The following PLEKHA5 variants were observed in gnomAD, a reference collection of about 807,000 sequenced individuals.
PLEKHA5 encodes the protein pleckstrin homology domain-containing family A member 5.
Under a neutral mutation model 181.9 loss-of-function variants are expected in PLEKHA5, and 55 were observed. That is an observed-to-expected ratio of 0.30 (90% confidence interval 0.24 to 0.38). The LOEUF is 0.38. Ranked by LOEUF, PLEKHA5 falls within the 10% of genes least tolerant of loss-of-function variation. The probability of loss-of-function intolerance (pLI) is 1.00; values close to 1 mark genes in which losing one functional copy is unlikely to be tolerated. For synonymous variants in PLEKHA5, 535 were observed against 529.4 expected (o/e 1.01, Z -0.15); for missense variants, 1,432 against 1,549.5 (o/e 0.92, Z 1.27).
At chr12:19,157,929 G>C (rs1462685650) in intron 3 of PLEKHA5, among the ~76,000 whole-genome samples, 4 of 152,116 alleles carry the variant, frequency 2.6e-5, no homozygotes, top group Non-Finnish European at 5.9e-5. Flanking sequence ...GGAATAATTA[G>C]TCATCATTTT....
At chr12:19,277,346 T>C (rs190315787) in intron 11 of PLEKHA5, among the ~76,000 whole-genome samples, 1 of 152,254 alleles carries the variant, frequency 6.6e-6, no homozygotes, top group Non-Finnish European at 1.5e-5. Flanking sequence ...TCAACAGATA[T>C]CTGGAAATTA....
chr12:19,208,588 T>C (rs1264108149), intron 3 of PLEKHA5, among the ~76,000 whole-genome samples: 1 of 152,226 alleles, frequency 6.6e-6, no homozygotes, highest in Non-Finnish European at 1.5e-5. Context: ...GGTTTCCAGC[T>C]AAGCTCTCAT....
At chr12:19,371,601 G>A in intron 31 of PLEKHA5, 1 of 183,856 alleles carries the variant, frequency 5.4e-6, no homozygotes, top group Non-Finnish European at 1.1e-5. Context: ...TTAGAATAAT[G>A]GCCTCCAGCT....
chr12:19,176,895 C>T (rs1350949145), intron 3 of PLEKHA5, among the ~76,000 whole-genome samples: 2 of 152,162 alleles, frequency 1.3e-5, no homozygotes, highest in East Asian at 1.9e-4. Flanking sequence ...GACAGAGTCT[C>T]ACTCTGTCGC....
Position 19,130,227 on chromosome 12 carries a change from C to A in PLEKHA5, c.169+97C>A. The A allele has an allele frequency of 1.6e-6, 1 of 635,730 alleles. No homozygotes were observed. Among genetic ancestry groups the A allele is most frequent in the Non-Finnish European group, 2.2e-6 (1 of 445,528 alleles). 39.4% of individuals were successfully genotyped at this position (635,730 alleles called of 1,614,324 possible). A position where few individuals can be genotyped will look rare whatever the true frequency, so the allele number is the denominator to read the frequency against. On this transcript the variant is annotated intron_variant, in intron 2 of 31. Transcript: ENST00000429027. The surrounding 1 kb of genome is among the most constrained non-coding windows in gnomAD (Gnocchi z 4.5). ...GCAACCTGCCCCGCGCCGCGGGCCC[C>A]GGGAGGCGGCGAGGCGGGGCGGAGG...
intron 11 of PLEKHA5, among the ~76,000 whole-genome samples, chr12:19,278,804 CCT>C (rs2075306501): frequency 1.3e-5 from 2 of 152,088 alleles, no homozygotes; most frequent in South Asian, 2.1e-4. Context: ...TACCTTTCTC[CCT>C]CTCTCCACCC....
Position 19,274,536 on chromosome 12 carries a change from A to C in PLEKHA5, c.866A>C (p.Glu289Ala). ...FNFRVDKITS[E>A]NAPTKETNNI... ...TTCAGAGTGGACAAGATTACATCTG[A>C]AAATGCACCAACTAAAGAAACCAAT... Residue 289 changes from glutamate to alanine, a missense_variant, in exon 11 of 32, where the codon GAA becomes GCA. By Grantham distance (107) the Glu-to-Ala change is moderately radical. This residue lies in a region of PLEKHA5 where 289 missense variants were observed against 381.1 expected (regional missense o/e 0.76). Transcript: ENST00000429027. The C allele has an allele frequency of 6.2e-7, 1 of 1,604,278 alleles. No individual in the cohort carries two copies. Among genetic ancestry groups the C allele is most frequent in the Non-Finnish European group, 8.5e-7 (1 of 1,174,124 alleles).
At chr12:19,178,065 T>A (rs1439381106) in intron 3 of PLEKHA5, among the ~76,000 whole-genome samples, 1 of 152,216 alleles carries the variant, frequency 6.6e-6, no homozygotes, top group African/African-American at 2.4e-5. Context: ...CCACGGCTCC[T>A]GGTGTGCTGT....
chr12:19,195,016 GTGTT>G lies in PLEKHA5; in HGVS notation c.228-58920_228-58917del, dbSNP rs1232400912. Reference sequence around the variant, plus strand: ...GGGCATTTATACTGTACCAGACACTGTGTTTGTCACATTTCAAAAATGTTCTCAT... The same window carrying G: ...GGGCATTTATACTGTACCAGACACTGTGTCACATTTCAAAAATGTTCTCAT... On this transcript the variant is annotated intron_variant, in intron 3 of 31. Transcript: ENST00000429027. 9.2e-5 allele frequency among the ~76,000 whole-genome samples: 14 copies of G among 152,256 alleles called. No individual in the cohort carries two copies. In the East Asian group the frequency reaches 2.7e-3, roughly 29 times the overall value.
At chr12:19,145,194 G>C (rs1321794234) in intron 3 of PLEKHA5, among the ~76,000 whole-genome samples, 2 of 151,820 alleles carry the variant, frequency 1.3e-5, no homozygotes, top group Non-Finnish European at 2.9e-5. Context: ...GTGTGTGTGA[G>C]AGAGAGAGAG....
intron 3 of PLEKHA5, among the ~76,000 whole-genome samples, chr12:19,192,215 A>G (rs548030016): frequency 1.3e-5 from 2 of 152,346 alleles, no homozygotes; most frequent in East Asian, 3.9e-4. Context: ...GCAGTTAATT[A>G]CAGAGAAGTG....
chr12:19,364,952 G>A (rs1443132132), intron 29 of PLEKHA5, among the ~76,000 whole-genome samples: 2 of 152,026 alleles, frequency 1.3e-5, no homozygotes, highest in East Asian at 1.9e-4. Flanking sequence ...GAGCCACCGC[G>A]CTCAGCCACA....
intron 3 of PLEKHA5, among the ~76,000 whole-genome samples, chr12:19,185,489 G>C (rs1176116204): frequency 6.6e-6 from 1 of 152,182 alleles, no homozygotes; most frequent in Non-Finnish European, 1.5e-5. Context: ...GAGAGGAGGG[G>C]TAGGGATGGC....
intron 30 of PLEKHA5, 23 bp from the exon 31 acceptor site, chr12:19,369,669 TC>T: frequency 6.9e-7 from 1 of 1,439,284 alleles, no homozygotes; most frequent in Non-Finnish European, 9.7e-7. Flanking sequence ...TTTTATCTTC[TC>T]CCATTTTCTT....
intron 3 of PLEKHA5, among the ~76,000 whole-genome samples, chr12:19,134,732 CAG>C (rs1212939441): frequency 6.6e-6 from 1 of 152,092 alleles, no homozygotes; most frequent in African/African-American, 2.4e-5. Flanking sequence ...ATGAAGTAGT[CAG>C]AGTTACTACT....
chr12:19,298,429 T>G (rs996684926), intron 15 of PLEKHA5, among the ~76,000 whole-genome samples: 13 of 146,410 alleles, frequency 8.9e-5, no homozygotes, highest in African/African-American at 1.8e-4. Context: ...TTTTTTTTTT[T>G]GTAACCTATC....
chr12:19,291,691 T>A lies in PLEKHA5; in HGVS notation c.2031T>A (p.Asp677Glu). The part of the protein sequence containing the change: ...HHLQRNTIYL[D>E]HQMKENEPII... ...TCCAAAGGAACACCATATATTTGGA[T>A]CATCAGGTGGGATTCATAGAGATTT... is the stretch of plus-strand genomic sequence containing the variant. Residue 677 changes from aspartate (D) to glutamate (E), a missense_variant, in exon 15 of 32, where the codon GAT (aspartate) becomes GAA (glutamate). Physicochemically the swap from Asp to Glu is conservative, Grantham distance 45. Transcript: ENST00000429027. The A allele has an allele frequency of 6.7e-7, 1 of 1,498,918 alleles. No homozygotes were observed. Among genetic ancestry groups the A allele is most frequent in the Non-Finnish European group, 9.0e-7 (1 of 1,115,042 alleles). 92.9% of individuals were successfully genotyped at this position (1,498,918 alleles called of 1,614,324 possible). A position where few individuals can be genotyped will look rare whatever the true frequency, so the allele number is the denominator to read the frequency against.
At chr12:19,331,626 T>G (rs978607313) in intron 20 of PLEKHA5, among the ~76,000 whole-genome samples, 2 of 152,158 alleles carry the variant, frequency 1.3e-5, no homozygotes, top group African/African-American at 4.8e-5. Context: ...TGCTTCACTT[T>G]CTCCCCCGCA....
At chr12:19,258,704 A>G (rs1430311539) in intron 6 of PLEKHA5, among the ~76,000 whole-genome samples, 1 of 151,732 alleles carries the variant, frequency 6.6e-6, no homozygotes, top group African/African-American at 2.4e-5. Flanking sequence ...AGCTGGGATT[A>G]CTGGCATGTG....
Sources: gnomAD v4.1 joint callset for allele counts (sites outside exome capture counted in the v4.1 genomes callset) on GRCh38, gnomAD v4.1.1 for gene constraint, gnomAD v4.1.1 regional missense constraint, Gnocchi (gnomAD v3.1) non-coding constraint, MANE v1.5 for transcripts, NCBI Gene and HGNC (gene_info 2026-07-23, HGNC 2026-07-21) for gene names.